LOC128092252: variants seen among roughly 807,000 people sequenced by gnomAD.
the LOC128092252 span, among the ~76,000 whole-genome samples, chr15:50,673,596 T>C: frequency 1.3e-5 from 2 of 152,164 alleles, no homozygotes; most frequent in Admixed American, 6.6e-5. Context: ...GTGAATGCCA[T>C]TAATTCATTC....
chr15:50,670,139 T>A, the LOC128092252 span, among the ~76,000 whole-genome samples: 1 of 152,086 alleles, frequency 6.6e-6, no homozygotes, highest in Non-Finnish European at 1.5e-5. Context: ...CCTTAATAGT[T>A]AGGCAGGAAT....
the LOC128092252 span, among the ~76,000 whole-genome samples, chr15:50,649,371 C>T: frequency 6.6e-6 from 1 of 151,162 alleles, no homozygotes; most frequent in Non-Finnish European, 1.5e-5. Context: ...CCCGTCAGGG[C>T]TGCAGTTAGC....
the LOC128092252 span, among the ~76,000 whole-genome samples, chr15:50,680,135 G>A: frequency 6.6e-6 from 1 of 152,092 alleles, no homozygotes. Flanking sequence ...TCGGGAGGCT[G>A]ACAGAGGAGA....
the LOC128092252 span, among the ~76,000 whole-genome samples, chr15:50,679,118 C>G: frequency 7.1e-6 from 1 of 140,008 alleles, no homozygotes; most frequent in African/African-American, 2.8e-5. Flanking sequence ...GTGATCCACC[C>G]GCCTCAGCCT....
the LOC128092252 span, among the ~76,000 whole-genome samples, chr15:50,650,074 T>G: frequency 6.6e-6 from 1 of 150,826 alleles, no homozygotes; most frequent in East Asian, 2.0e-4. Flanking sequence ...GTGCCTGTAA[T>G]CCCAGCTACT....
chr15:50,667,682 G>C, the LOC128092252 span, among the ~76,000 whole-genome samples: 2 of 152,096 alleles, frequency 1.3e-5, no homozygotes, highest in African/African-American at 4.8e-5. Flanking sequence ...ACTCCAGCCT[G>C]GGCAACAGAA....
At chr15:50,680,612 T>C in the LOC128092252 span, among the ~76,000 whole-genome samples, 3 of 151,930 alleles carry the variant, frequency 2.0e-5, no homozygotes, top group South Asian at 6.2e-4. Flanking sequence ...TTGTAAATTA[T>C]CTGTCCTAAG....
At chr15:50,686,698 G>A in the LOC128092252 span, 1 of 881,328 alleles carries the variant, frequency 1.1e-6, no homozygotes, top group East Asian at 3.0e-5. Context: ...GGCGCTAGCA[G>A]CAGAAGCCGA....
At chr15:50,678,749 G>A in the LOC128092252 span, among the ~76,000 whole-genome samples, 1 of 151,992 alleles carries the variant, frequency 6.6e-6, no homozygotes, top group Non-Finnish European at 1.5e-5. Context: ...AAAACTTAAG[G>A]CCAGGTGCAG....
the LOC128092252 span, among the ~76,000 whole-genome samples, chr15:50,660,542 C>T: frequency 6.6e-6 from 1 of 152,134 alleles, no homozygotes; most frequent in Non-Finnish European, 1.5e-5. Context: ...ATAGTCCCAG[C>T]TACTCAGGTA....
the LOC128092252 span, among the ~76,000 whole-genome samples, chr15:50,676,902 G>A: frequency 0.02 from 3,085 of 152,236 alleles, 121 homozygotes; most frequent in African/African-American, 0.071. Context: ...ACTGACCCAT[G>A]AAGATCGTAC....
At chr15:50,661,472 T>C in the LOC128092252 span, among the ~76,000 whole-genome samples, 1 of 152,328 alleles carries the variant, frequency 6.6e-6, no homozygotes, top group African/African-American at 2.4e-5. Flanking sequence ...TTCTCAAAAG[T>C]TTTTTAAATG....
chr15:50,683,163 C>G, the LOC128092252 span, among the ~76,000 whole-genome samples: 1 of 151,642 alleles, frequency 6.6e-6, no homozygotes, highest in Non-Finnish European at 1.5e-5. Context: ...GCTAGGATTA[C>G]AAGCATGAGC....
the LOC128092252 span, among the ~76,000 whole-genome samples, chr15:50,678,308 T>C: frequency 6.7e-6 from 1 of 149,628 alleles, no homozygotes; most frequent in Non-Finnish European, 1.5e-5. Flanking sequence ...CAGAGTTATG[T>C]GATAAATTTG....
At chr15:50,670,860 C>A in the LOC128092252 span, among the ~76,000 whole-genome samples, 9 of 150,594 alleles carry the variant, frequency 6.0e-5, no homozygotes, top group South Asian at 1.7e-3. Flanking sequence ...ATCAACAACT[C>A]TGTGCCAAAA....
At chr15:50,676,929 A>G in the LOC128092252 span, among the ~76,000 whole-genome samples, 2 of 152,158 alleles carry the variant, frequency 1.3e-5, no homozygotes, top group African/African-American at 4.8e-5. Context: ...GGCAGCCTCC[A>G]GGCAGCCCAG....
chr15:50,668,884 T>C, the LOC128092252 span, among the ~76,000 whole-genome samples: 1 of 152,208 alleles, frequency 6.6e-6, no homozygotes, highest in African/African-American at 2.4e-5. Flanking sequence ...AACTGGTTAT[T>C]TTACCAAGGC....
the LOC128092252 span, chr15:50,663,022 T>G: frequency 4.3e-6 from 7 of 1,613,802 alleles, no homozygotes; most frequent in Non-Finnish European, 5.9e-6. Context: ...TTGGTCAAAG[T>G]GCTTTCTATC....
chr15:50,683,039 T>C, the LOC128092252 span, among the ~76,000 whole-genome samples: 3 of 151,974 alleles, frequency 2.0e-5, no homozygotes, highest in Admixed American at 6.6e-5. Flanking sequence ...CGCATCACCA[T>C]GCCCAGCTAA....
Sources: allele counts gnomAD v4.1 joint callset (sites outside exome capture counted in the v4.1 genomes callset), GRCh38; gene constraint gnomAD v4.1.1; transcripts MANE v1.5.